RASGRP3: variants seen among roughly 807,000 people sequenced by gnomAD.
The protein encoded by RASGRP3 is RAS guanyl releasing protein 3, also known as ras guanyl-releasing protein 3.
A neutral mutation model predicts 82.7 loss-of-function variants in RASGRP3; 54 were observed. The observed-to-expected ratio is 0.65, with a 90% CI of 0.52 to 0.82. The LOEUF (loss-of-function observed/expected upper bound fraction) is 0.82, where lower values mean the gene tolerates loss of function less well. Ranked by LOEUF, RASGRP3 falls within the 40% of genes least tolerant of loss-of-function variation. The pLI is 0.00. For missense variants in RASGRP3, 861 were observed against 828.9 expected, an observed-to-expected ratio of 1.04 and a Z score of -0.48; for synonymous variants, 309 against 300.5, an observed-to-expected ratio of 1.03 and a Z score of -0.29.
At chr2:33,473,897 T>C (rs912319126), upstream of RASGRP3, among the ~76,000 whole-genome samples, 3 of 152,176 alleles carry the variant, frequency 2.0e-5, no homozygotes, top group African/African-American at 7.2e-5. Flanking sequence ...GGGATGGAGA[T>C]GATTTCAGGA....
chr2:33,453,284 C>T lies in RASGRP3; in HGVS notation c.-261+5341C>T, dbSNP rs1036810135. Among the ~76,000 whole-genome samples the T allele has an allele frequency of 3.3e-5, 5 of 152,058 alleles. No individual in the cohort carries two copies. The South Asian group carries it at 1.0e-3, about 32-fold the overall frequency. The stretch of plus-strand genomic sequence containing the variant: ...ATCTACCTTTGTTTCCTTTTGAAAC[C>T]CCATTAAGATGAGATCAAAGGGTTT... On this transcript the variant is annotated intron_variant, in intron 2 of 18. Coordinates refer to the RASGRP3 transcript ENST00000402538.
At chr2:33,523,276 A>G (rs1319341940) in intron 7 of RASGRP3, among the ~76,000 whole-genome samples, 1 of 152,094 alleles carries the variant, frequency 6.6e-6, no homozygotes, top group Non-Finnish European at 1.5e-5. Context: ...TTCCTGGCCA[A>G]CGTGGTGAAA....
At chr2:33,559,071 A>C (rs770002681) in intron 17 of RASGRP3, 41 bp downstream of exon 17, 13 of 1,489,726 alleles carry the variant, frequency 8.7e-6, no homozygotes, top group Non-Finnish European at 1.2e-5. Context: ...CAGAAGAAGG[A>C]GGCTGAAAGT....
chr2:33,539,769 G>A (rs1674051325), intron 12 of RASGRP3: 1 of 152,082 alleles, frequency 6.6e-6, no homozygotes, highest in Admixed American at 6.6e-5. Flanking sequence ...GGGAGGCCGA[G>A]GCGGGCGGAT....
upstream of RASGRP3, among the ~76,000 whole-genome samples, chr2:33,475,261 C>T (rs557151459): frequency 6.6e-6 from 1 of 152,314 alleles, no homozygotes; most frequent in South Asian, 2.1e-4. Flanking sequence ...TTCGGACTCT[C>T]ACAAGTTGAC....
intron 14 of RASGRP3, among the ~76,000 whole-genome samples, chr2:33,554,682 C>G (rs1675740802): frequency 6.6e-6 from 1 of 152,076 alleles, no homozygotes; most frequent in Non-Finnish European, 1.5e-5. Context: ...ACCATATTAG[C>G]CAGGATGGTC....
intron 9 of RASGRP3, among the ~76,000 whole-genome samples, chr2:33,525,175 A>G (rs539474169): frequency 1.3e-5 from 2 of 152,038 alleles, no homozygotes; most frequent in East Asian, 1.9e-4. Flanking sequence ...TGTGATAGGC[A>G]TTGTGATACA....
chr2:33,447,105 CAAAAA>C (rs1161927671), intron 1 of RASGRP3, among the ~76,000 whole-genome samples: 1 of 59,284 alleles, frequency 1.7e-5, no homozygotes. Context: ...GACTCCGTCT[CAAAAA>C]AAAAAAAAAA....
chr2:33,493,456 T>C lies in RASGRP3; in HGVS notation c.-261+16749T>C, dbSNP rs75419864. 6.9e-3 allele frequency among the ~76,000 whole-genome samples: 1,053 copies of C among 151,964 alleles called. 12 individuals are homozygous for C. The highest frequency in any genetic ancestry group is 0.024 in the African/African-American group (1,011 of 41,412). ...TACTTGAAAGTCTTTTCTGGAAGAG[T>C]TAAAAAGAGAAGCCAAGGTTTGAGT... On this transcript the variant is annotated intron_variant, in intron 1 of 17. Transcript: ENST00000403687.
At chr2:33,512,707 T>A (rs1208815037) in intron 2 of RASGRP3, among the ~76,000 whole-genome samples, 1 of 152,204 alleles carries the variant, frequency 6.6e-6, no homozygotes, top group Non-Finnish European at 1.5e-5. Flanking sequence ...ATGACAAACC[T>A]CTGACAAGTT....
chr2:33,528,350 C>T (rs778398712), intron 10 of RASGRP3, among the ~76,000 whole-genome samples: 3 of 152,180 alleles, frequency 2.0e-5, no homozygotes, highest in Non-Finnish European at 2.9e-5. Context: ...GCATTTGTGG[C>T]ACACATGTTT....
intron 3 of RASGRP3, among the ~76,000 whole-genome samples, chr2:33,515,936 G>T (rs1325527389): frequency 6.6e-6 from 1 of 152,186 alleles, no homozygotes; most frequent in Non-Finnish European, 1.5e-5. Context: ...TTTAGTGTTA[G>T]TATGACCTAA....
chr2:33,499,628 G>A (rs1267604813), intron 1 of RASGRP3, among the ~76,000 whole-genome samples: 8 of 151,988 alleles, frequency 5.3e-5, no homozygotes, highest in Middle Eastern at 3.4e-3. Flanking sequence ...GCAAAATCTC[G>A]GCATTTAAAA....
chr2:33,544,200 G>C (rs1674528721), intron 13 of RASGRP3, among the ~76,000 whole-genome samples: 1 of 152,136 alleles, frequency 6.6e-6, no homozygotes, highest in African/African-American at 2.4e-5. Context: ...TGTAATCCCA[G>C]CTACTTGGGT....
chr2:33,499,829 G>A (rs1176515562), intron 1 of RASGRP3, among the ~76,000 whole-genome samples: 1 of 151,888 alleles, frequency 6.6e-6, no homozygotes, highest in East Asian at 1.9e-4. Flanking sequence ...GAAGTGTACA[G>A]ACCATGTCAA....
chr2:33,452,789 A>G (rs1665867735), intron 2 of RASGRP3, among the ~76,000 whole-genome samples: 1 of 151,862 alleles, frequency 6.6e-6, no homozygotes, highest in African/African-American at 2.4e-5. Flanking sequence ...GTGCTGTTGT[A>G]TTGGTGTGGT....
chr2:33,500,377 A>T (rs147554084), intron 1 of RASGRP3, among the ~76,000 whole-genome samples: 1 of 152,282 alleles, frequency 6.6e-6, no homozygotes, highest in Admixed American at 6.5e-5. Flanking sequence ...ACTGAGAACC[A>T]ATATAGAAGT....
chr2:33,466,546 G>A (rs1402022899), intron 2 of RASGRP3, among the ~76,000 whole-genome samples: 6 of 152,156 alleles, frequency 3.9e-5, no homozygotes, highest in Admixed American at 2.0e-4. Flanking sequence ...GGGCATGGTG[G>A]TGGGTGCCTG....
intron 13 of RASGRP3, among the ~76,000 whole-genome samples, 157 bp from the exon 14 acceptor site, chr2:33,549,447 T>G (rs1675163128): frequency 6.6e-6 from 1 of 152,206 alleles, no homozygotes. Flanking sequence ...TGAAGATGCC[T>G]TTTGAGGTTT....
Sources: gnomAD v4.1 joint callset for allele counts (sites outside exome capture counted in the v4.1 genomes callset) on GRCh38, gnomAD v4.1.1 for gene constraint, MANE v1.5 for transcripts, NCBI Gene and HGNC (gene_info 2026-07-23, HGNC 2026-07-21) for gene names.